Variants in MYO5A observed in about 807,000 individuals in gnomAD.
MYO5A encodes unconventional myosin-Va.
MYO5A carries 98 observed loss-of-function variants against 249.7 expected under a neutral mutation model. That is an observed-to-expected ratio of 0.39 (90% CI 0.33 to 0.46). The LOEUF (loss-of-function observed/expected upper bound fraction) is 0.46. Ranked by LOEUF, MYO5A falls within the 20% of genes least tolerant of loss-of-function variation. The pLI, the probability that MYO5A is intolerant of heterozygous loss-of-function variation, is 0.98. For synonymous variants in MYO5A, 778 were observed against 810.6 expected (o/e 0.96, Z 0.68); for missense variants, 1,696 against 2,308.8 (o/e 0.73, Z 5.44).
chr15:52,319,680 G>A (rs2038207979), intron 38 of MYO5A, among the ~76,000 whole-genome samples: 1 of 152,162 alleles, frequency 6.6e-6, no homozygotes, highest in Non-Finnish European at 1.5e-5. Flanking sequence ...GCAGTGAGCT[G>A]AGACCACATA....
intron 40 of MYO5A, among the ~76,000 whole-genome samples, chr15:52,316,705 G>T (rs2038033853): frequency 6.6e-6 from 1 of 152,174 alleles, no homozygotes; most frequent in African/African-American, 2.4e-5. Flanking sequence ...AAGATAGAAA[G>T]CTATTTTATG....
intron 1 of MYO5A, among the ~76,000 whole-genome samples, chr15:52,455,638 C>T (rs1204477566): frequency 8.5e-5 from 13 of 152,108 alleles, no homozygotes; most frequent in African/African-American, 3.1e-4. Context: ...TCATCCCAGA[C>T]ATGCAAGGAT....
intron 1 of MYO5A, among the ~76,000 whole-genome samples, chr15:52,470,341 A>C (rs541932771): frequency 6.6e-6 from 1 of 152,162 alleles, no homozygotes; most frequent in Admixed American, 6.5e-5. Context: ...ATTGCCCAAT[A>C]TCAAAGGAAC....
chr15:52,491,432 C>A (rs2076933909), intron 1 of MYO5A, among the ~76,000 whole-genome samples: 2 of 152,046 alleles, frequency 1.3e-5, no homozygotes. Flanking sequence ...AATAAGAAAA[C>A]CCCACATTTC....
At chr15:52,377,411 A>G (rs2141111611) in intron 18 of MYO5A, among the ~76,000 whole-genome samples, 1 of 151,938 alleles carries the variant, frequency 6.6e-6, no homozygotes, top group East Asian at 1.9e-4. Flanking sequence ...ACAGAGCAAG[A>G]ATCCGTCTCA....
intron 1 of MYO5A, among the ~76,000 whole-genome samples, chr15:52,521,227 C>CAA (rs10533876): frequency 5.8e-5 from 8 of 137,900 alleles, no homozygotes; most frequent in African/African-American, 2.2e-4. Flanking sequence ...GACTCTGTCT[C>CAA]AAAAAAAAAA....
rs767142885 is a variant in MYO5A at position 52,364,611 on chromosome 15, C to T, written c.3252G>A (p.Glu1084=). The change falls in exon 24 of 42, where the codon GAG becomes GAA. Residue 1084 remains glutamate, a synonymous_variant. Transcript: ENST00000399233. ...CATATCTTTCTTCCAGGCGACTGAACTCATTCAGAAGGTTCTGATATCTCA... is the reference window on the plus strand; with the variant it reads ...CATATCTTTCTTCCAGGCGACTGAATTCATTCAGAAGGTTCTGATATCTCA... ...ERLRYQNLLN[E]FSRLEERYDD... 8.1e-6 allele frequency: 13 copies of T among 1,613,792 alleles called. No individual in the cohort carries two copies. The Admixed American group carries it at 2.0e-4, about 25-fold the overall frequency.
chr15:52,408,604 T>C (rs910283328), intron 6 of MYO5A, among the ~76,000 whole-genome samples: 18 of 152,350 alleles, frequency 1.2e-4, no homozygotes, highest in Non-Finnish European at 2.9e-5. Flanking sequence ...AATGTACATC[T>C]TCTATATCAT....
At chr15:52,499,256 AG>A (rs2077103859) in intron 1 of MYO5A, among the ~76,000 whole-genome samples, 1 of 152,278 alleles carries the variant, frequency 6.6e-6, no homozygotes, top group South Asian at 2.1e-4. Flanking sequence ...ACTTGCAAAG[AG>A]GATGGCCAAG....
At chr15:52,496,221 G>T (rs913791288) in intron 1 of MYO5A, among the ~76,000 whole-genome samples, 1 of 152,184 alleles carries the variant, frequency 6.6e-6, no homozygotes, top group African/African-American at 2.4e-5. Flanking sequence ...CAGTGCTTCA[G>T]ACAGGACTGG....
chr15:52,337,665 T>C (rs2039180645), intron 33 of MYO5A, 145 bp downstream of exon 33: 1 of 575,892 alleles, frequency 1.7e-6, no homozygotes, highest in Non-Finnish European at 3.1e-6. Flanking sequence ...CACCACTGGC[T>C]AAAAGACAGC....
chr15:52,456,071 C>T (rs949796604), intron 1 of MYO5A, among the ~76,000 whole-genome samples: 1 of 151,908 alleles, frequency 6.6e-6, no homozygotes. Flanking sequence ...CCTAAAAACG[C>T]CACCAAATAA....
At position 52,308,293 on chromosome 15, in the gene MYO5A, C is replaced by G. The variant is rs1596252593; in HGVS notation, c.*5403G>C. 6.6e-6 allele frequency: 1 copy of G among 152,166 alleles called. No homozygotes were observed. Among genetic ancestry groups the G allele is most frequent in the African/African-American group, 2.4e-5 (1 of 41,438 alleles). 9.4% of individuals were successfully genotyped at this position (152,166 alleles called of 1,614,324 possible). On this transcript the variant is annotated 3_prime_UTR_variant, in exon 42 of 42. Transcript: ENST00000399233. ...TACATAGTATTTTTCAGTTCCTCAT[C>G]TATTGAGAAATCTACTATAATTCAG...
intron 1 of MYO5A, among the ~76,000 whole-genome samples, chr15:52,480,508 G>A (rs2076692928): frequency 6.6e-6 from 1 of 152,164 alleles, no homozygotes; most frequent in South Asian, 2.1e-4. Context: ...GCCCACACCA[G>A]ACCAAGGATG....
At chr15:52,363,553 G>A (rs548292542) in intron 24 of MYO5A, among the ~76,000 whole-genome samples, 17 of 152,258 alleles carry the variant, frequency 1.1e-4, no homozygotes, top group Admixed American at 2.6e-4. Flanking sequence ...TGACTTTTAA[G>A]TGTCATATTG....
At chr15:52,415,979 A>G in intron 5 of MYO5A, 166 bp downstream of exon 5, 1 of 819,258 alleles carries the variant, frequency 1.2e-6, no homozygotes, top group East Asian at 2.7e-5. Flanking sequence ...CTACCTTACC[A>G]AGTTTTTACT....
At chr15:52,329,440 T>G (rs2038765459) in intron 35 of MYO5A, among the ~76,000 whole-genome samples, 1 of 152,208 alleles carries the variant, frequency 6.6e-6, no homozygotes, top group Non-Finnish European at 1.5e-5. Flanking sequence ...GTGTACACTC[T>G]AATCATTTAC....
chr15:52,313,591 A>T lies in MYO5A; in HGVS notation c.*105T>A. The T allele has an allele frequency of 7.3e-7, 1 of 1,377,152 alleles. No homozygotes were observed. Among genetic ancestry groups the T allele is most frequent in the South Asian group, 1.2e-5 (1 of 82,868 alleles). 85.3% of individuals were successfully genotyped at this position (1,377,152 alleles called of 1,614,324 possible). ...TTAATGACTTCTCATTTGGGAGATA[A>T]TCAGTACTTTCTCTTTAAAAATGTA... On this transcript the variant is annotated 3_prime_UTR_variant, in exon 42 of 42. Transcript: ENST00000399233.
chr15:52,352,389 T>C (rs2141022373), intron 27 of MYO5A, among the ~76,000 whole-genome samples: 1 of 152,246 alleles, frequency 6.6e-6, no homozygotes, highest in East Asian at 1.9e-4. Flanking sequence ...CTGATGATAC[T>C]GAAACACTTG....
Sources: gnomAD v4.1 joint callset for allele counts (sites outside exome capture counted in the v4.1 genomes callset) on GRCh38, gnomAD v4.1.1 for gene constraint, MANE v1.5 for transcripts, NCBI Gene and HGNC (gene_info 2026-07-23, HGNC 2026-07-21) for gene names.